ZNF717: variants seen among roughly 807,000 people sequenced by gnomAD.
ZNF717 encodes the protein krueppel-like factor X17.
ZNF717 carries 9 observed loss-of-function variants against 13.8 expected under a neutral mutation model. The observed-to-expected ratio is 0.65, with a 90% CI of 0.39 to 1.14. ZNF717 has a LOEUF of 1.14. ZNF717 is among the 50% of genes most tolerant of loss of function. ZNF717 has a pLI of 0.01. For missense variants in ZNF717, 1,040 were observed against 1,080.7 expected (o/e 0.96, Z 0.53); for synonymous variants, 327 against 364.1 (o/e 0.90, Z 1.16).
At chr3:75,727,697 A>G (rs1164239620), downstream of ZNF717, among the ~76,000 whole-genome samples, 1 of 152,234 alleles carries the variant, frequency 6.6e-6, no homozygotes, top group Non-Finnish European at 1.5e-5. Context: ...GATGTTTATC[A>G]AGACAATGTG....
At chr3:75,695,053 T>G (rs1326101063) in intron 6 of ZNF717, among the ~76,000 whole-genome samples, 4 of 152,204 alleles carry the variant, frequency 2.6e-5, no homozygotes, top group Non-Finnish European at 5.9e-5. Flanking sequence ...GATGAACGGA[T>G]AGAGAAGCAG....
At chr3:75,731,241 G>A (rs75110649), downstream of ZNF717, among the ~76,000 whole-genome samples, 20 of 152,204 alleles carry the variant, frequency 1.3e-4, no homozygotes, top group Non-Finnish European at 2.5e-4. Context: ...GCGAAGTGTG[G>A]TGGTGTGTGC....
At chr3:75,705,006 C>T (rs1159358936), downstream of ZNF717, among the ~76,000 whole-genome samples, 3 of 152,262 alleles carry the variant, frequency 2.0e-5, no homozygotes, top group Non-Finnish European at 4.4e-5. Flanking sequence ...TGTTTAGTGG[C>T]AGCATCTTTT....
intron 5 of ZNF717, chr3:75,730,632 A>C: frequency 1.5e-6 from 1 of 678,994 alleles, no homozygotes; most frequent in South Asian, 1.5e-5. Context: ...GAGATAAAAG[A>C]TTTTGAAACT....
downstream of ZNF717, among the ~76,000 whole-genome samples, chr3:75,725,109 C>G (rs1938251873): frequency 6.6e-6 from 1 of 151,938 alleles, no homozygotes; most frequent in Non-Finnish European, 1.5e-5. Context: ...GAAATATTTC[C>G]ATTTTCCATG....
chr3:75,720,014 A>G (rs1192421824), intron 4 of ZNF717, among the ~76,000 whole-genome samples: 1 of 151,072 alleles, frequency 6.6e-6, no homozygotes, highest in Admixed American at 6.6e-5. Context: ...GGATTTTTGC[A>G]AGGCTACAGA....
intron 6 of ZNF717, among the ~76,000 whole-genome samples, chr3:75,700,391 G>GAAAAAAA (rs35600771): frequency 8.8e-6 from 1 of 113,724 alleles, no homozygotes; most frequent in African/African-American, 4.6e-5. Flanking sequence ...AGACACCATC[G>GAAAAAAA]AAAAAAAAAA....
intron 4 of ZNF717, among the ~76,000 whole-genome samples, chr3:75,722,795 C>T (rs1220808428): frequency 2.0e-3 from 137 of 67,874 alleles, no homozygotes; most frequent in African/African-American, 7.1e-3. Flanking sequence ...CAGAGTGAAA[C>T]TCCATCTCAA....
At chr3:75,745,801 T>C (rs1941104182) in intron 2 of ZNF717, among the ~76,000 whole-genome samples, 1 of 150,100 alleles carries the variant, frequency 6.7e-6, no homozygotes, top group African/African-American at 2.4e-5. Context: ...AGGGTTTTCT[T>C]TTTTTTTTAC....
intron 2 of ZNF717, among the ~76,000 whole-genome samples, chr3:75,765,584 GT>G (rs1164359105): frequency 3.9e-5 from 6 of 152,022 alleles, no homozygotes; most frequent in Non-Finnish European, 8.8e-5. Flanking sequence ...CTAATTTTTG[GT>G]TTGGTTTTTT....
chr3:75,784,156 A>C (rs1042779980), intron 1 of ZNF717, among the ~76,000 whole-genome samples: 1 of 152,208 alleles, frequency 6.6e-6, no homozygotes, highest in Non-Finnish European at 1.5e-5. Context: ...AAACTATCTT[A>C]AACCAACCAG....
At position 75,738,007 on chromosome 3, in the gene ZNF717, T is replaced by G; in HGVS notation, c.1616A>C (p.Glu539Ala). ...HAGEKPYACNECGKTYSHKSY... is the reference protein window; with the variant it reads ...HAGEKPYACNACGKTYSHKSY... Reference sequence around the variant, plus strand: ...CTTGTGGCTATATGTTTTTCCACATTCGTTACATGCGTATGGTTTTTCCCC... The same window carrying G: ...CTTGTGGCTATATGTTTTTCCACATGCGTTACATGCGTATGGTTTTTCCCC... Residue 539 changes from glutamate to alanine, a missense_variant, in exon 5 of 5, where the codon GAA (glutamate) becomes GCA (alanine). Coordinates refer to ENST00000652011, the MANE Select transcript of ZNF717 (RefSeq NM_001290208.3). The G allele has an allele frequency of 7.4e-7, 1 of 1,343,980 alleles. No individual in the cohort carries two copies. Among genetic ancestry groups the G allele is most frequent in the Non-Finnish European group, 9.9e-7 (1 of 1,007,444 alleles). 83.3% of individuals were successfully genotyped at this position (1,343,980 alleles called of 1,614,324 possible).
At position 75,774,925 on chromosome 3, in the gene ZNF717, T is replaced by C. The variant is rs200322132; in HGVS notation, c.57+8381A>G. On this transcript the variant is annotated intron_variant, in intron 2 of 4. Transcript: ENST00000652011. ...TGAGCCACTGCACCTGGCCAGGATT[T>C]CTAAAATTCTAATATGTCTATATGC... is the stretch of plus-strand genomic sequence containing the variant. 4.6e-5 allele frequency among the ~76,000 whole-genome samples: 7 copies of C among 152,046 alleles called. No homozygotes were observed. The East Asian group carries it at 1.2e-3, about 25-fold the overall frequency.
downstream of ZNF717, among the ~76,000 whole-genome samples, chr3:75,708,357 G>A (rs546681799): frequency 1.3e-5 from 2 of 152,408 alleles, no homozygotes; most frequent in East Asian, 1.9e-4. Flanking sequence ...AGGCAAACAG[G>A]GTCTGGAGTG....
At chr3:75,731,990 T>A (rs1350958775), downstream of ZNF717, 6 of 694,346 alleles carry the variant, frequency 8.6e-6, no homozygotes, top group South Asian at 6.0e-5. Context: ...AGGTTCCATA[T>A]GGACAACTCA....
At position 75,741,257 on chromosome 3, in the gene ZNF717, C is replaced by T; in HGVS notation, c.277+19G>A. The T allele has an allele frequency of 6.8e-7, 1 of 1,467,002 alleles. No homozygotes were observed. Among genetic ancestry groups the T allele is most frequent in the Non-Finnish European group, 9.3e-7 (1 of 1,070,460 alleles). 90.9% of individuals were successfully genotyped at this position (1,467,002 alleles called of 1,614,324 possible). A position where few individuals can be genotyped will look rare whatever the true frequency, so the allele number is the denominator to read the frequency against. ...GCATTACTCCTCCAGGCCTCCCTGC[C>T]TGGTATTCACTGACTGACCTGAAAG... On this transcript the variant is annotated intron_variant, in intron 4 of 4. Coordinates refer to ENST00000652011, the MANE Select transcript of ZNF717 (RefSeq NM_001290208.3).
rs1217311759 is a variant in ZNF717, at chr3:75,738,402, C to T, written c.1221G>A (p.Lys407=). 6.5e-7 allele frequency: 1 copy of T among 1,532,426 alleles called. No individual in the cohort carries two copies. The highest frequency in any genetic ancestry group is 8.8e-7 in the Non-Finnish European group (1 of 1,133,474). 94.9% of individuals were successfully genotyped at this position (1,532,426 alleles called of 1,614,324 possible). Residue 407 remains lysine (K), a synonymous_variant, in exon 5 of 5, where the codon AAG becomes AAA. Transcript: ENST00000652011. ...TTCTATGATGTATTGTGAGGTATGA[C>T]TTCTGGCTAAAGGTTTTTCCACATT... ...CSECGKTFSQ[K]SYLTIHHRTH...
chr3:75,753,983 C>T (rs1486203651), intron 2 of ZNF717, among the ~76,000 whole-genome samples: 8 of 152,198 alleles, frequency 5.3e-5, no homozygotes, highest in Admixed American at 5.2e-4. Context: ...ATGTTTTTCC[C>T]GCACACAGGA....
rs529446439 is a variant in ZNF717, at chr3:75,738,688, G to C, written c.935C>G (p.Ala312Gly). The C allele has an allele frequency of 1.9e-5, 30 of 1,551,856 alleles. No individual in the cohort carries two copies. The South Asian group carries it at 3.3e-4, about 17-fold the overall frequency. Residue 312 changes from alanine (A) to glycine (G), a missense_variant, in exon 5 of 5, where the codon GCC (alanine) becomes GGC (glycine). By Grantham distance (60) the Ala-to-Gly change is moderately conservative. Coordinates refer to ENST00000652011, the MANE Select transcript of ZNF717 (RefSeq NM_001290208.3). ...GAACAATTTTTCACACCAGTTACAG[G>C]CATAAGGTTTTTCCTCAGTAGGCAT... ...CKMPTEEKPY[A>G]CNWCEKLFSY...
Sources: gnomAD v4.1 joint callset for allele counts (sites outside exome capture counted in the v4.1 genomes callset) on GRCh38, gnomAD v4.1.1 for gene constraint, MANE v1.5 for transcripts, NCBI Gene and HGNC (gene_info 2026-07-23, HGNC 2026-07-21) for gene names.